PSMC6: variants seen among roughly 807,000 people sequenced by gnomAD.
PSMC6 encodes 26S proteasome regulatory subunit 10B.
In PSMC6, 3 loss-of-function variants were observed where a neutral mutation model predicts 55.9. The observed-to-expected ratio is 0.05, with a 90% CI of 0.02 to 0.14. The LOEUF (loss-of-function observed/expected upper bound fraction) is 0.14, where lower values mean the gene tolerates loss of function less well. PSMC6 is among the 10% of genes least tolerant of loss of function. PSMC6 has a pLI of 1.00. For synonymous variants in PSMC6, 137 were observed against 155.9 expected (o/e 0.88, Z 0.90); for missense variants, 210 against 478.7 (o/e 0.44, Z 5.24).
In PSMC6 at chr14:52,711,542, T is replaced by C; in HGVS notation, c.441+18T>C. The C allele has an allele frequency of 6.6e-7, 1 of 1,525,698 alleles. No homozygotes were observed. The highest frequency in any genetic ancestry group is 1.4e-5 in the African/African-American group (1 of 72,650). The allele number at this position is 1,525,698 out of a possible 1,614,324, so 94.5% of individuals were successfully genotyped here. A position where few individuals can be genotyped will look rare whatever the true frequency, so the allele number is the denominator to read the frequency against. On this transcript the variant is annotated intron_variant, in intron 6 of 13. Transcript: ENST00000445930. ...TAAGAGAGGTTGGTACTGTGTGCCT[T>C]GTTCTCTGAACTTAGCTAATAAATA...
rs550393292 is a variant in PSMC6 at position 52,708,408 on chromosome 14, G to T, written c.165+20G>T. On this transcript the variant is annotated intron_variant, in intron 2 of 13. Coordinates refer to ENST00000445930, the MANE Select transcript of PSMC6 (RefSeq NM_002806.5). ...GGGCAGGTAGGTGATGGAGTTTGGG[G>T]AATAGGGGGTGATGGTAATTTGCTT... 6.2e-7 allele frequency: 1 copy of T among 1,612,348 alleles called. No individual in the cohort carries two copies. The highest frequency in any genetic ancestry group is 2.2e-5 in the East Asian group (1 of 44,834).
intron 4 of PSMC6, 73 bp downstream of exon 4, chr14:52,708,889 T>A: frequency 6.3e-7 from 1 of 1,587,720 alleles, no homozygotes; most frequent in Non-Finnish European, 8.6e-7. Flanking sequence ...CTCTAATTCT[T>A]GAGGCAAGCA....
intron 7 of PSMC6, among the ~76,000 whole-genome samples, chr14:52,715,131 TAA>T (rs11411181): frequency 5.5e-5 from 8 of 146,524 alleles, no homozygotes; most frequent in Non-Finnish European, 4.5e-5. Context: ...ACTTGCAGTG[TAA>T]AAAAAAAAAA....
intron 7 of PSMC6, among the ~76,000 whole-genome samples, chr14:52,714,569 C>T (rs576374745): frequency 6.6e-5 from 10 of 152,066 alleles, no homozygotes; most frequent in Admixed American, 2.0e-4. Context: ...CTTTATAATA[C>T]TGAAATGTTA....
At chr14:52,718,881 A>G in intron 9 of PSMC6, 96 bp from the exon 10 acceptor site, 1 of 927,068 alleles carries the variant, frequency 1.1e-6, no homozygotes, top group Middle Eastern at 3.2e-4. Flanking sequence ...TTTCATCTTA[A>G]TGTTTTAAGC....
At chr14:52,722,668 TTATC>T in intron 12 of PSMC6, 1 of 152,262 alleles carries the variant, frequency 6.6e-6, no homozygotes, top group Non-Finnish European at 1.5e-5. Context: ...TATAAAGTCA[TTATC>T]TATGGAAGTG....
At chr14:52,719,775 A>C (rs1478686001) in intron 10 of PSMC6, among the ~76,000 whole-genome samples, 1 of 152,242 alleles carries the variant, frequency 6.6e-6, no homozygotes, top group East Asian at 1.9e-4. Context: ...ATTTTATTCA[A>C]GTAACTAATA....
At position 52,707,464 on chromosome 14, in the gene PSMC6, C is replaced by T. The variant is rs75866559; in HGVS notation, c.85+160C>T. On this transcript the variant is annotated intron_variant, in intron 1 of 13. Transcript: ENST00000445930. ...GTCATCCGGCCCTGAGCTTGTGGAG[C>T]AGCACTCCTTCGGGTGTAGAAATGG... 1.3e-4 allele frequency: 118 copies of T among 942,330 alleles called. No homozygotes were observed. The African/African-American group carries it at 1.8e-3, about 14-fold the overall frequency. 58.4% of individuals were successfully genotyped at this position (942,330 alleles called of 1,614,324 possible).
intron 9 of PSMC6, chr14:52,718,717 C>T (rs1296106619): frequency 1.2e-5 from 5 of 410,098 alleles, no homozygotes; most frequent in South Asian, 6.6e-5. Context: ...ACCCAGGAGA[C>T]GTAGGTTGCA....
chr14:52,714,420 G>C (rs1391155316), intron 7 of PSMC6, among the ~76,000 whole-genome samples: 1 of 152,128 alleles, frequency 6.6e-6, no homozygotes, highest in African/African-American at 2.4e-5. Context: ...TATGTCTACT[G>C]TTCTTTGAGG....
chr14:52,725,575 G>A (rs566604996), intron 13 of PSMC6, among the ~76,000 whole-genome samples: 3 of 152,262 alleles, frequency 2.0e-5, no homozygotes, highest in African/African-American at 7.2e-5. Context: ...TCTGGCCCAG[G>A]CTGGAGTGCA....
intron 4 of PSMC6, 77 bp downstream of exon 4, chr14:52,708,893 G>A (rs2041734271): frequency 1.9e-6 from 3 of 1,579,300 alleles, no homozygotes; most frequent in Non-Finnish European, 2.6e-6. Flanking sequence ...AATTCTTGAG[G>A]CAAGCAGGTG....
chr14:52,708,236 A>T (rs2041726064), intron 1 of PSMC6, 73 bp from the exon 2 acceptor site: 1 of 1,280,940 alleles, frequency 7.8e-7, no homozygotes, highest in Admixed American at 1.8e-5. Context: ...CGTAAACAGT[A>T]AAGTGAGACG....
At chr14:52,719,076 G>T (rs759337997) in intron 10 of PSMC6, 38 bp downstream of exon 10, 1 of 1,497,712 alleles carries the variant, frequency 6.7e-7, no homozygotes, top group Non-Finnish European at 9.3e-7. Flanking sequence ...AGAAACCAAT[G>T]TTTATTAAAT....
At chr14:52,714,030 AAAG>A (rs1250001671) in intron 7 of PSMC6, 62 bp downstream of exon 7, 1 of 1,146,938 alleles carries the variant, frequency 8.7e-7, no homozygotes, top group African/African-American at 1.6e-5. Flanking sequence ...TTAAAAAAAA[AAAG>A]ACAATTTTTT....
chr14:52,709,623 A>C (rs768381597), intron 4 of PSMC6: 1 of 456,008 alleles, frequency 2.2e-6, no homozygotes. Flanking sequence ...TTCAGGTTGC[A>C]TGAGGACAAG....
intron 6 of PSMC6, among the ~76,000 whole-genome samples, chr14:52,712,441 G>T (rs1055111638): frequency 6.6e-6 from 1 of 150,842 alleles, no homozygotes. Context: ...GGAAGAACAG[G>T]TGCTTCATAA....
chr14:52,715,054 G>T (rs2041816387), intron 7 of PSMC6, among the ~76,000 whole-genome samples: 1 of 151,796 alleles, frequency 6.6e-6, no homozygotes, highest in Non-Finnish European at 1.5e-5. Flanking sequence ...TTGCACTGTA[G>T]TGTGAATCAG....
intron 4 of PSMC6, 160 bp from the exon 5 acceptor site, chr14:52,710,938 ACTT>A: frequency 1.4e-5 from 8 of 576,038 alleles, no homozygotes; most frequent in South Asian, 5.5e-5. Flanking sequence ...ACTTTGAATT[ACTT>A]ATTTTATAAG....
Sources: allele counts gnomAD v4.1 joint callset (sites outside exome capture counted in the v4.1 genomes callset), GRCh38; gene constraint gnomAD v4.1.1; transcripts MANE v1.5; gene names NCBI Gene and HGNC (gene_info 2026-07-23, HGNC 2026-07-21).